Variants in SEL1L2 observed in about 807,000 individuals in gnomAD.
SEL1L2 encodes SEL1L2 adaptor subunit of SYVN1 ubiquitin ligase.
SEL1L2 carries 89 observed loss-of-function variants against 98.8 expected under a neutral mutation model. The observed-to-expected ratio is 0.90, with a 90% CI of 0.76 to 1.07. The LOEUF is 1.07. Ranked by LOEUF, SEL1L2 falls within the 50% of genes least tolerant of loss-of-function variation. The pLI is 0.00. For missense variants in SEL1L2, 788 were observed against 812.0 expected, an observed-to-expected ratio of 0.97 and a Z score of 0.36; for synonymous variants, 262 against 278.5, an observed-to-expected ratio of 0.94 and a Z score of 0.59.
At chr20:13,944,181 C>T (rs548281206) in intron 2 of SEL1L2, among the ~76,000 whole-genome samples, 12 of 151,982 alleles carry the variant, frequency 7.9e-5, no homozygotes, top group Non-Finnish European at 1.5e-4. Context: ...TGGAGGCCAA[C>T]GTGACTGGAA....
chr20:13,970,800 C>G (rs2148507008), intron 1 of SEL1L2, among the ~76,000 whole-genome samples: 1 of 151,748 alleles, frequency 6.6e-6, no homozygotes, highest in South Asian at 2.1e-4. Context: ...CCATTGCACT[C>G]CAGCCTGGGT....
intron 2 of SEL1L2, among the ~76,000 whole-genome samples, chr20:13,941,631 C>T (rs1430977229): frequency 6.6e-6 from 1 of 152,186 alleles, no homozygotes; most frequent in African/African-American, 2.4e-5. Context: ...ATTACATTTA[C>T]AGGGATGAAG....
chr20:13,934,254 A>C (rs901178013), intron 2 of SEL1L2, among the ~76,000 whole-genome samples: 1 of 140,946 alleles, frequency 7.1e-6, no homozygotes, highest in African/African-American at 2.7e-5. Flanking sequence ...TTCACTTAAA[A>C]TAATATTATC....
At chr20:13,985,216 C>A (rs2052103983) in intron 1 of SEL1L2, among the ~76,000 whole-genome samples, 1 of 152,110 alleles carries the variant, frequency 6.6e-6, no homozygotes, top group Non-Finnish European at 1.5e-5. Context: ...CCATTGCTCC[C>A]AGGATAAAGC....
At chr20:13,915,981 C>A (rs1456720538) in intron 4 of SEL1L2, among the ~76,000 whole-genome samples, 1 of 152,120 alleles carries the variant, frequency 6.6e-6, no homozygotes, top group Non-Finnish European at 1.5e-5. Context: ...GGCTTATCTT[C>A]GAAACTTCTT....
intron 8 of SEL1L2, among the ~76,000 whole-genome samples, chr20:13,886,818 G>A (rs973024575): frequency 4.6e-5 from 7 of 151,902 alleles, no homozygotes; most frequent in African/African-American, 1.7e-4. Context: ...AACCCAGGAG[G>A]CAGAGGCTGC....
chr20:13,887,641 A>AT, intron 8 of SEL1L2, 128 bp downstream of exon 8: 1 of 644,090 alleles, frequency 1.6e-6, no homozygotes, highest in South Asian at 2.0e-5. Flanking sequence ...AAAGAATTGT[A>AT]TTATAACATA....
chr20:13,983,150 A>G (rs1167995052), intron 1 of SEL1L2, among the ~76,000 whole-genome samples: 2 of 151,470 alleles, frequency 1.3e-5, no homozygotes, highest in African/African-American at 4.9e-5. Flanking sequence ...TTTGGGATGG[A>G]CTGTTCATTC....
chr20:13,892,351 G>A (rs2047240100), intron 5 of SEL1L2, among the ~76,000 whole-genome samples: 1 of 152,000 alleles, frequency 6.6e-6, no homozygotes, highest in Non-Finnish European at 1.5e-5. Context: ...TTGGGAAGCT[G>A]AGGCAGGAGA....
At chr20:13,952,690 A>G (rs2050328148) in intron 2 of SEL1L2, among the ~76,000 whole-genome samples, 1 of 152,122 alleles carries the variant, frequency 6.6e-6, no homozygotes. Context: ...TCTTCAATCT[A>G]TACCCCTTTT....
At chr20:13,931,804 C>A in intron 2 of SEL1L2, 33 bp from the exon 3 acceptor site, 2 of 1,444,224 alleles carry the variant, frequency 1.4e-6, no homozygotes, top group South Asian at 1.5e-5. Flanking sequence ...TCATTTTGTT[C>A]ATGTGTGAGT....
intron 1 of SEL1L2, among the ~76,000 whole-genome samples, chr20:13,957,288 G>A (rs2050584676): frequency 6.6e-6 from 1 of 152,082 alleles, no homozygotes; most frequent in South Asian, 2.1e-4. Flanking sequence ...TTCAGTGGAG[G>A]TGGTGTTTTT....
chr20:13,952,794 G>A (rs2050333836), intron 2 of SEL1L2, among the ~76,000 whole-genome samples: 1 of 152,174 alleles, frequency 6.6e-6, no homozygotes, highest in Admixed American at 6.5e-5. Flanking sequence ...ACTTTGGGAG[G>A]CCAAGGCGGG....
intron 2 of SEL1L2, among the ~76,000 whole-genome samples, chr20:13,948,544 T>C (rs1367410057): frequency 6.6e-6 from 1 of 152,224 alleles, no homozygotes; most frequent in Non-Finnish European, 1.5e-5. Context: ...GAAAACTGGA[T>C]AGCCATGTGC....
At chr20:13,959,646 C>A (rs1392476914) in intron 1 of SEL1L2, among the ~76,000 whole-genome samples, 3 of 152,198 alleles carry the variant, frequency 2.0e-5, no homozygotes, top group Admixed American at 1.3e-4. Context: ...ATCTTGACAA[C>A]TTTTTGCAGG....
intron 5 of SEL1L2, among the ~76,000 whole-genome samples, chr20:13,901,829 T>C (rs1031525431): frequency 6.6e-6 from 1 of 151,918 alleles, no homozygotes; most frequent in Admixed American, 6.6e-5. Context: ...GCCCGGCTAA[T>C]TTTTTGTATT....
chr20:13,864,752 G>A lies in SEL1L2; in HGVS notation c.1645+415C>T, dbSNP rs111994691. On this transcript the variant is annotated intron_variant, in intron 17 of 19. Coordinates refer to ENST00000284951, the MANE Select transcript of SEL1L2 (RefSeq NM_025229.2). ...TGATATTTTAATAGAGAAATCACATGAGCCTTAGATACATACATAACTAAT... is the reference window on the plus strand; with the variant it reads ...TGATATTTTAATAGAGAAATCACATAAGCCTTAGATACATACATAACTAAT... Among the ~76,000 whole-genome samples the A allele has an allele frequency of 1.1e-4, 17 of 152,282 alleles. 2 individuals carry two copies. The highest frequency in any genetic ancestry group is 4.1e-4 in the African/African-American group (17 of 41,554).
Position 13,870,146 on chromosome 20 carries a change from G to A in SEL1L2, c.1162C>T (p.Pro388Ser), listed in dbSNP as rs201283948. The change falls in exon 13 of 20, where the codon CCC (proline) becomes TCC (serine). Residue 388 changes from proline (P) to serine (S), a missense_variant. Pro to Ser is a moderately conservative substitution (Grantham distance 74). Transcript: ENST00000284951. ...AATAAAATAATTTAACTTACCAGGG[G>A]AACTCCTTTTCCATGAAAGTAAAGA... Reference protein sequence around the residue: ...GLLYFHGKGVPLNYAEALKYF... With the variant: ...GLLYFHGKGVSLNYAEALKYF... 4.7e-4 allele frequency: 754 copies of A among 1,598,544 alleles called. 1 individual carries two copies. The highest frequency in any genetic ancestry group is 6.2e-4 in the Non-Finnish European group (723 of 1,167,644).
At chr20:13,854,237 A>G (rs1029473082) in intron 18 of SEL1L2, among the ~76,000 whole-genome samples, 2 of 152,228 alleles carry the variant, frequency 1.3e-5, no homozygotes, top group Admixed American at 1.3e-4. Context: ...CCAAAAATAC[A>G]TGTTACCTAG....
Sources: gnomAD v4.1 joint callset for allele counts (sites outside exome capture counted in the v4.1 genomes callset) on GRCh38, gnomAD v4.1.1 for gene constraint, MANE v1.5 for transcripts, NCBI Gene and HGNC (gene_info 2026-07-23, HGNC 2026-07-21) for gene names.